WDR59: variants seen among roughly 807,000 people sequenced by gnomAD.
WDR59 encodes GATOR2 complex protein WDR59.
Under a neutral mutation model 131.2 loss-of-function variants are expected in WDR59, and 100 were observed. That is an observed-to-expected ratio of 0.76 (90% CI 0.65 to 0.90). The LOEUF is 0.90. WDR59 is among the 40% of genes least tolerant of loss of function. WDR59 has a pLI of 0.00. For synonymous variants in WDR59, 601 were observed against 466.2 expected (o/e 1.29, Z -3.72); for missense variants, 1,203 against 1,262.2 (o/e 0.95, Z 0.71).
chr16:74,911,928 C>A lies in WDR59; in HGVS notation c.1389+270G>T, dbSNP rs79245319. ...CAGGCAATATTTCTCAAATCATATG[C>A]AATCATTGTGCAGATTTTTCTGAGG... On this transcript the variant is annotated intron_variant, in intron 14 of 25. Coordinates refer to ENST00000262144, the MANE Select transcript of WDR59 (RefSeq NM_030581.4). 1.5e-3 allele frequency: 817 copies of A among 543,942 alleles called. 5 individuals are homozygous for A. The highest frequency in any genetic ancestry group is 0.014 in the African/African-American group (741 of 53,332). 33.7% of individuals were successfully genotyped at this position (543,942 alleles called of 1,614,324 possible).
In WDR59 at chr16:74,912,244, A is replaced by G. The variant is rs771366967; in HGVS notation, c.1343T>C (p.Ile448Thr). ...PNNAAPSFQF[I>T]NPTTITSTMK... The stretch of plus-strand genomic sequence containing the variant: ...GGTGGATGTGATGGTTGTGGGGTTA[A>G]TAAACTGGAAGGAAGGGGCGGCGTT... Residue 448 changes from isoleucine (I) to threonine (T), a missense_variant, in exon 14 of 26, where the codon ATT becomes ACT. By Grantham distance (89) the Ile-to-Thr change is moderately conservative. Coordinates refer to ENST00000262144, the MANE Select transcript of WDR59 (RefSeq NM_030581.4). The G allele has an allele frequency of 6.2e-7, 1 of 1,614,182 alleles. No individual in the cohort carries two copies. The highest frequency in any genetic ancestry group is 8.5e-7 in the Non-Finnish European group (1 of 1,180,022).
chr16:74,922,316 T>G (rs2030324845), intron 9 of WDR59, among the ~76,000 whole-genome samples: 1 of 152,196 alleles, frequency 6.6e-6, no homozygotes, highest in East Asian at 1.9e-4. Context: ...AAGTGAAAAC[T>G]CAGGCTGAGG....
Position 74,920,430 on chromosome 16 carries a change from C to A in WDR59, c.886+1517G>T, listed in dbSNP as rs931254335. On this transcript the variant is annotated intron_variant, in intron 10 of 25. Coordinates refer to ENST00000262144, the MANE Select transcript of WDR59 (RefSeq NM_030581.4). Reference sequence around the variant, plus strand: ...TATATATTTTTTCTTTTGAGACTGTCTCGATCTGTCTCCAGGCTGGAGTGC... The same window carrying A: ...TATATATTTTTTCTTTTGAGACTGTATCGATCTGTCTCCAGGCTGGAGTGC... 3.2e-4 allele frequency among the ~76,000 whole-genome samples: 48 copies of A among 152,130 alleles called. 1 individual carries two copies. Among genetic ancestry groups the A allele is most frequent in the Admixed American group, 2.8e-3 (43 of 15,280 alleles).
Position 74,956,567 on chromosome 16 carries a change from C to G in WDR59, c.148G>C (p.Gly50Arg), listed in dbSNP as rs1211522222. The change falls in exon 3 of 26, where the codon GGT (glycine) becomes CGT (arginine). Residue 50 changes from glycine (G) to arginine (R), a missense_variant. Gly to Arg is a moderately radical substitution (Grantham distance 125). Transcript: ENST00000262144. The stretch of plus-strand genomic sequence containing the variant: ...CTCTGGCGAGAGATCTTTCGGTGAC[C>G]TTCGAAAGGGGCATCTAGATTGACG... ...YIVNLDAPFE[G>R]HRKISRQSKW... 6.2e-7 allele frequency: 1 copy of G among 1,614,038 alleles called. No individual in the cohort carries two copies. Among genetic ancestry groups the G allele is most frequent in the Non-Finnish European group, 8.5e-7 (1 of 1,180,006 alleles).
At chr16:74,912,003 A>T (rs574991962) in intron 14 of WDR59, 195 bp downstream of exon 14, 4 of 656,242 alleles carry the variant, frequency 6.1e-6, no homozygotes, top group Non-Finnish European at 7.5e-6. Context: ...TGACCCAAAA[A>T]AGGTTAAGAA....
intron 24 of WDR59, 32 bp from the exon 25 acceptor site, chr16:74,885,827 T>C: frequency 6.2e-7 from 1 of 1,605,194 alleles, no homozygotes; most frequent in Non-Finnish European, 8.5e-7. Context: ...TCCTGTCAGT[T>C]CCTTTAAGAA....
At chr16:74,926,661 C>A (rs140551974) in intron 8 of WDR59, among the ~76,000 whole-genome samples, 3 of 152,250 alleles carry the variant, frequency 2.0e-5, no homozygotes, top group Non-Finnish European at 4.4e-5. Flanking sequence ...AAATCTCTTA[C>A]TAAACTTTAA....
At chr16:74,877,530 TATTG>T (rs1317790724) in intron 25 of WDR59, among the ~76,000 whole-genome samples, 2 of 152,194 alleles carry the variant, frequency 1.3e-5, no homozygotes, top group East Asian at 1.9e-4. Flanking sequence ...TCTGTTTATT[TATTG>T]ATTGATTGAT....
At chr16:74,928,222 T>G (rs2145035546) in intron 8 of WDR59, among the ~76,000 whole-genome samples, 1 of 149,688 alleles carries the variant, frequency 6.7e-6, no homozygotes, top group African/African-American at 2.5e-5. Context: ...TTTTTTTTTT[T>G]TTGAGACAGA....
chr16:74,878,080 A>G (rs1190152192), intron 25 of WDR59, among the ~76,000 whole-genome samples: 1 of 152,212 alleles, frequency 6.6e-6, no homozygotes, highest in Non-Finnish European at 1.5e-5. Flanking sequence ...CACTATAGGA[A>G]GGAGGAAGCC....
chr16:74,932,055 T>G (rs1474041347), intron 8 of WDR59, among the ~76,000 whole-genome samples: 1 of 150,510 alleles, frequency 6.6e-6, no homozygotes, highest in Non-Finnish European at 1.5e-5. Context: ...TATATAATGT[T>G]TAAGCATAAT....
At chr16:74,875,467 A>G (rs1218552794) in intron 25 of WDR59, among the ~76,000 whole-genome samples, 1 of 152,122 alleles carries the variant, frequency 6.6e-6, no homozygotes, top group East Asian at 1.9e-4. Context: ...ATCTGAGGAC[A>G]TTCTGGAGAC....
intron 8 of WDR59, among the ~76,000 whole-genome samples, chr16:74,931,609 C>G (rs2031391756): frequency 6.6e-6 from 1 of 152,098 alleles, no homozygotes; most frequent in Non-Finnish European, 1.5e-5. Context: ...AGTGCTGGGA[C>G]TACAGGTATG....
intron 18 of WDR59, among the ~76,000 whole-genome samples, chr16:74,902,988 C>T (rs1222607454): frequency 6.6e-6 from 1 of 152,196 alleles, no homozygotes; most frequent in Non-Finnish European, 1.5e-5. Context: ...GTCTCAAACA[C>T]CAGTTGCTGC....
intron 4 of WDR59, among the ~76,000 whole-genome samples, chr16:74,951,063 G>A (rs2145137925): frequency 6.6e-6 from 1 of 151,068 alleles, no homozygotes; most frequent in South Asian, 2.1e-4. Flanking sequence ...TGGAGGCTGA[G>A]GCAGGACAAT....
rs571663580 is a variant in WDR59, at chr16:74,882,735, G to C, written c.2689+2918C>G. ...TGAGGTGTGAGAATCACTTGAACTT[G>C]GGAGGCAGAGGTTGCAGTGAGCCGA... On this transcript the variant is annotated intron_variant, in intron 25 of 25. Coordinates refer to ENST00000262144, the MANE Select transcript of WDR59 (RefSeq NM_030581.4). Among the ~76,000 whole-genome samples, 8 of 140,028 alleles carry C rather than the reference G, an allele frequency of 5.7e-5. No individual in the cohort carries two copies. The South Asian group carries it at 1.9e-3, about 33-fold the overall frequency. The allele number at this position is 140,028 out of a possible 152,430, so 91.9% of individuals were successfully genotyped here.
At chr16:74,946,593 G>A (rs550785317) in intron 6 of WDR59, among the ~76,000 whole-genome samples, 30 of 152,090 alleles carry the variant, frequency 2.0e-4, no homozygotes, top group East Asian at 5.8e-4. Flanking sequence ...GTGGTGGTGC[G>A]CACCTGTAAT....
intron 10 of WDR59, among the ~76,000 whole-genome samples, chr16:74,918,609 C>G (rs1043620570): frequency 1.3e-5 from 2 of 152,148 alleles, no homozygotes; most frequent in Admixed American, 6.5e-5. Flanking sequence ...CATCTTAACT[C>G]TGGTCAAAGG....
At chr16:74,942,451 A>C (rs1221397426) in intron 7 of WDR59, among the ~76,000 whole-genome samples, 1 of 152,140 alleles carries the variant, frequency 6.6e-6, no homozygotes, top group African/African-American at 2.4e-5. Flanking sequence ...TTTGAAGGAA[A>C]CTGAGGTTAA....
Sources: gnomAD v4.1 joint callset for allele counts (sites outside exome capture counted in the v4.1 genomes callset) on GRCh38, gnomAD v4.1.1 for gene constraint, MANE v1.5 for transcripts, NCBI Gene and HGNC (gene_info 2026-07-23, HGNC 2026-07-21) for gene names.